MSR1: variants seen among roughly 807,000 people sequenced by gnomAD.
MSR1 encodes macrophage scavenger receptor 1, also known as macrophage scavenger receptor types I and II.
In MSR1, 53 loss-of-function variants were observed where a neutral mutation model predicts 47.2. The observed-to-expected ratio is 1.12, with a 90% CI of 0.90 to 1.41. The LOEUF (loss-of-function observed/expected upper bound fraction) is 1.41. Ranked by LOEUF, MSR1 falls within the 40% of genes most tolerant of loss-of-function variation. MSR1 has a pLI of 0.00. For missense variants in MSR1, 786 were observed against 546.9 expected (o/e 1.44, Z -4.36); for synonymous variants, 239 against 185.6 (o/e 1.29, Z -2.34).
At position 16,124,805 on chromosome 8, in the gene MSR1, G is replaced by C. The variant is rs542186485; in HGVS notation, c.1034-4199C>G. Among the ~76,000 whole-genome samples the C allele has an allele frequency of 1.3e-3, 191 of 152,276 alleles. 1 individual carries two copies. The highest frequency in any genetic ancestry group is 2.4e-3 in the Non-Finnish European group (162 of 68,022). On this transcript the variant is annotated intron_variant, in intron 8 of 9. Transcript: ENST00000262101. Reference sequence around the variant, plus strand: ...TGTCACTCAGTAGTCACTTGAGGAAGAGTTATGGCATGAATGAGTAAATAA... The same window carrying C: ...TGTCACTCAGTAGTCACTTGAGGAACAGTTATGGCATGAATGAGTAAATAA...
At chr8:16,179,879 CAA>C (rs58441043) in intron 1 of MSR1, among the ~76,000 whole-genome samples, 1 of 80,948 alleles carries the variant, frequency 1.2e-5, no homozygotes. Flanking sequence ...CCCTGTGTCT[CAA>C]AAAAAAAAAA....
chr8:16,171,194 A>G (rs200121413), intron 3 of MSR1, among the ~76,000 whole-genome samples: 1 of 135,792 alleles, frequency 7.4e-6, no homozygotes, highest in Non-Finnish European at 1.5e-5. Flanking sequence ...ACTGCACTGC[A>G]CTCCAGCCTG....
Position 16,120,753 on chromosome 8 carries a change from A to G in MSR1, c.1034-147T>C, listed in dbSNP as rs1799985621. 1.0e-4 allele frequency: 104 copies of G among 993,836 alleles called. 1 individual carries two copies. In the South Asian group the frequency reaches 1.5e-3, roughly 15 times the overall value. 61.6% of individuals were successfully genotyped at this position (993,836 alleles called of 1,614,324 possible). ...CTTCAACTATTGGAATAAATATTAA[A>G]CTTTCTAGCACCACCTATTGGTAAA... On this transcript the variant is annotated intron_variant, in intron 8 of 9. Transcript: ENST00000262101.
chr8:16,125,835 T>G (rs138944712), intron 8 of MSR1, among the ~76,000 whole-genome samples: 3 of 152,100 alleles, frequency 2.0e-5, no homozygotes, highest in Non-Finnish European at 4.4e-5. Context: ...GGTGCAGTCA[T>G]AGCTCACTGC....
intron 5 of MSR1, among the ~76,000 whole-genome samples, chr8:16,157,649 G>C (rs945850388): frequency 6.6e-6 from 1 of 151,806 alleles, no homozygotes. Flanking sequence ...TTCATTGGGG[G>C]AATAAAATAA....
intron 9 of MSR1, among the ~76,000 whole-genome samples, chr8:16,110,717 C>G (rs940833109): frequency 2.0e-5 from 3 of 151,990 alleles, no homozygotes; most frequent in Admixed American, 2.0e-4. Flanking sequence ...TTTATGTGTG[C>G]CTGGTTTATC....
intron 7 of MSR1, among the ~76,000 whole-genome samples, chr8:16,146,832 T>C (rs530499815): frequency 6.6e-6 from 1 of 152,232 alleles, no homozygotes; most frequent in Non-Finnish European, 1.5e-5. Flanking sequence ...TATATAATCA[T>C]AGATAAACTT....
At chr8:16,133,871 A>T (rs1800322642) in intron 8 of MSR1, among the ~76,000 whole-genome samples, 1 of 152,076 alleles carries the variant, frequency 6.6e-6, no homozygotes, top group Non-Finnish European at 1.5e-5. Flanking sequence ...TCTAGAAAAA[A>T]CTTTACTCAA....
At chr8:16,187,113 T>A (rs575817018) in intron 1 of MSR1, among the ~76,000 whole-genome samples, 6 of 151,930 alleles carry the variant, frequency 3.9e-5, no homozygotes, top group African/African-American at 1.4e-4. Context: ...CTGTAATTCC[T>A]GCACTTTGGG....
intron 1 of MSR1, among the ~76,000 whole-genome samples, chr8:16,179,220 G>C (rs907810863): frequency 6.6e-6 from 1 of 152,146 alleles, no homozygotes; most frequent in Non-Finnish European, 1.5e-5. Context: ...AGGAAATAAA[G>C]AAATGTCTGG....
intron 3 of MSR1, among the ~76,000 whole-genome samples, chr8:16,174,049 T>G (rs186609657): frequency 2.0e-5 from 3 of 152,308 alleles, no homozygotes; most frequent in Admixed American, 2.0e-4. Flanking sequence ...AAGTCTTGGA[T>G]GGGAACTCCA....
chr8:16,150,287 C>G lies in MSR1; in HGVS notation c.923G>C (p.Arg308Pro). ...PIGPPGLKGD[R>P]GAIGFPGSRG... ...ACTTCCAGGAAAGCCAATTGCTCCC[C>G]GATCACCTTTAAGACCCGGAGGACC... The change falls in exon 7 of 10, where the codon CGG becomes CCG. Residue 308 changes from arginine to proline, a missense_variant. By Grantham distance (103) the Arg-to-Pro change is moderately radical. Transcript: ENST00000262101. 2 of 1,569,640 alleles carry G rather than the reference C, an allele frequency of 1.3e-6. No individual in the cohort carries two copies. The highest frequency in any genetic ancestry group is 1.7e-6 in the Non-Finnish European group (2 of 1,155,358).
chr8:16,120,169 A>T (rs1799964634), intron 9 of MSR1, among the ~76,000 whole-genome samples: 1 of 151,928 alleles, frequency 6.6e-6, no homozygotes, highest in Admixed American at 6.6e-5. Flanking sequence ...CGAGGTCAGG[A>T]GATCGAGACC....
intron 1 of MSR1, among the ~76,000 whole-genome samples, chr8:16,187,402 A>AAAGC (rs76137532): frequency 2.3e-4 from 32 of 141,890 alleles, no homozygotes; most frequent in Middle Eastern, 3.5e-3. Flanking sequence ...AAAGAAAGAA[A>AAAGC]AAGCAAGCAA....
intron 6 of MSR1, among the ~76,000 whole-genome samples, chr8:16,153,610 A>G (rs1800919692): frequency 6.6e-6 from 1 of 152,066 alleles, no homozygotes; most frequent in African/African-American, 2.4e-5. Context: ...TCTATTTATA[A>G]CATTAACACA....
At chr8:16,163,846 T>C (rs1281534266) in intron 5 of MSR1, among the ~76,000 whole-genome samples, 1 of 151,874 alleles carries the variant, frequency 6.6e-6, no homozygotes, top group Admixed American at 6.6e-5. Context: ...CCTTAAGATA[T>C]ATTTTGCTTT....
rs184268751 is a variant in MSR1, at chr8:16,168,794, C to T, written c.294G>A (p.Thr98=). The T allele has an allele frequency of 3.6e-5, 58 of 1,614,036 alleles. No individual in the cohort carries two copies. The Admixed American group carries it at 3.8e-4, about 11-fold the overall frequency. The stretch of plus-strand genomic sequence containing the variant: ...CCTCTTCGCTGTCATTTCCTTTTCC[C>T]GTGAGACTTTGAGTTATATCATTTG... ...TNANDITQSL[T]GKGNDSEEEM... is the part of the protein sequence containing the mutation. Residue 98 remains threonine, a synonymous_variant, in exon 4 of 10, where the codon ACG becomes ACA. Coordinates refer to ENST00000262101, the MANE Select transcript of MSR1 (RefSeq NM_138715.3).
intron 5 of MSR1, among the ~76,000 whole-genome samples, chr8:16,157,174 A>C (rs1403474012): frequency 6.6e-6 from 1 of 151,992 alleles, no homozygotes; most frequent in Non-Finnish European, 1.5e-5. Flanking sequence ...AAACAAGAAG[A>C]AACAAGGGAC....
intron 8 of MSR1, among the ~76,000 whole-genome samples, chr8:16,138,763 T>G (rs547696335): frequency 6.6e-6 from 1 of 152,156 alleles, no homozygotes; most frequent in Non-Finnish European, 1.5e-5. Flanking sequence ...CTCTAGATGT[T>G]TGTGTAAACT....
Sources: gnomAD v4.1 joint callset for allele counts (sites outside exome capture counted in the v4.1 genomes callset) on GRCh38, gnomAD v4.1.1 for gene constraint, MANE v1.5 for transcripts, NCBI Gene and HGNC (gene_info 2026-07-23, HGNC 2026-07-21) for gene names.